Variants in TBL1Y observed in about 807,000 individuals in gnomAD.
The protein encoded by TBL1Y is F-box-like/WD repeat-containing protein TBL1Y.
TBL1Y carries 15 observed loss-of-function variants against 12.0 expected under a neutral mutation model. That is an observed-to-expected ratio of 1.25 (90% CI 0.83 to 1.92). The LOEUF is 1.92. Among genes scored for constraint, TBL1Y ranks in the 40% most tolerant of loss-of-function variants. TBL1Y has a pLI of 0.00. For synonymous variants in TBL1Y, 53 were observed against 42.6 expected (o/e 1.24, Z -0.95); for missense variants, 148 against 116.7 (o/e 1.27, Z -1.24).
intron 8 of TBL1Y, among the ~76,000 whole-genome samples, chrY:7,065,368 G>A (rs2012973882): frequency 3.0e-5 from 1 of 33,296 alleles, no homozygotes; most frequent in African/African-American, 1.2e-4. Context: ...TTTGCCTTCC[G>A]CCATGACTGT....
At chrY:7,076,608 A>G (rs2013064042) in intron 13 of TBL1Y, among the ~76,000 whole-genome samples, 1 of 32,159 alleles carries the variant, frequency 3.1e-5, no homozygotes, top group Non-Finnish European at 7.5e-5. Context: ...CATTGTCACT[A>G]TGATAAAATG....
chrY:6,924,513 A>G, intron 2 of TBL1Y, among the ~76,000 whole-genome samples: 1 of 29,125 alleles, frequency 3.4e-5, no homozygotes, highest in Non-Finnish European at 8.2e-5. Context: ...GCGTGAACCC[A>G]GGAGATAAAG....
chrY:6,913,861 A>G, intron 2 of TBL1Y, among the ~76,000 whole-genome samples: 2 of 33,361 alleles, frequency 6.0e-5, no homozygotes, highest in African/African-American at 2.3e-4. Flanking sequence ...AGTCTACCAC[A>G]GGGGATCAGA....
At chrY:6,999,617 T>C (rs529117068) in intron 4 of TBL1Y, among the ~76,000 whole-genome samples, 5 of 26,488 alleles carry the variant, frequency 1.9e-4, no homozygotes, top group African/African-American at 7.6e-4. Flanking sequence ...AAGTAGAATA[T>C]GAAAGAGGAT....
intron 4 of TBL1Y, among the ~76,000 whole-genome samples, chrY:6,999,057 C>T (rs2012428592): frequency 3.0e-5 from 1 of 33,102 alleles, no homozygotes; most frequent in Non-Finnish European, 7.4e-5. Context: ...ACCTATGGGT[C>T]CAAGGCACTG....
In TBL1Y at chrY:7,033,362, C is replaced by A. The variant is rs2124157107; in HGVS notation, c.58+8220C>A. ...ATTAATAGCCTACCAACCAAAAATT[C>A]TCCAGGACGAGACAGATCCACAGGC... On this transcript the variant is annotated intron_variant, in intron 6 of 18. Coordinates refer to ENST00000383032, the MANE Select transcript of TBL1Y (RefSeq NM_033284.2). Among the ~76,000 whole-genome samples, 5 of 33,377 alleles carry A rather than the reference C, an allele frequency of 1.5e-4. No individual in the cohort carries two copies. The East Asian group carries it at 4.0e-3, about 27-fold the overall frequency. 89.5% of individuals were successfully genotyped at this position (33,377 alleles called of 37,273 possible). A position where few individuals can be genotyped will look rare whatever the true frequency, so the allele number is the denominator to read the frequency against.
At chrY:6,979,092 G>A (rs1046679634) in intron 3 of TBL1Y, among the ~76,000 whole-genome samples, 2 of 32,182 alleles carry the variant, frequency 6.2e-5, no homozygotes, top group Admixed American at 5.8e-4. Context: ...CCGCCACCAC[G>A]CCCAGCTAAT....
intron 4 of TBL1Y, among the ~76,000 whole-genome samples, chrY:7,009,850 A>G (rs189443481): frequency 7.1e-4 from 23 of 32,431 alleles, no homozygotes; most frequent in African/African-American, 2.8e-3. Flanking sequence ...AACCTGACCA[A>G]CATGCAGAAA....
At chrY:7,063,385 C>T (rs1002472198) in intron 7 of TBL1Y, among the ~76,000 whole-genome samples, 1 of 33,466 alleles carries the variant, frequency 3.0e-5, no homozygotes, top group Non-Finnish European at 7.4e-5. Flanking sequence ...TGTCGTTCCG[C>T]AATTGGCTAG....
At chrY:6,950,237 C>T (rs2012014311) in intron 2 of TBL1Y, among the ~76,000 whole-genome samples, 4 of 33,379 alleles carry the variant, frequency 1.2e-4, no homozygotes, top group Non-Finnish European at 2.2e-4. Context: ...ATACTATAAA[C>T]GAACTGTGAG....
intron 2 of TBL1Y, among the ~76,000 whole-genome samples, chrY:6,942,194 C>T: frequency 3.1e-5 from 1 of 32,758 alleles, no homozygotes; most frequent in Non-Finnish European, 7.5e-5. Flanking sequence ...AAATAATCCT[C>T]GCAGCCTGCC....
chrY:7,002,962 A>G (rs2012461609), intron 4 of TBL1Y, among the ~76,000 whole-genome samples: 1 of 33,874 alleles, frequency 3.0e-5, no homozygotes, highest in Non-Finnish European at 7.3e-5. Context: ...ACTTCTCGGG[A>G]GCTACTTAAA....
At chrY:7,076,883 C>T in intron 13 of TBL1Y, among the ~76,000 whole-genome samples, 2 of 11,318 alleles carry the variant, frequency 1.8e-4, no homozygotes, top group Non-Finnish European at 3.2e-4. Flanking sequence ...GCATGGGCAA[C>T]AAGAGCAAGA....
At chrY:7,087,539 A>G in intron 17 of TBL1Y, 107 bp downstream of exon 17, 10 of 242,877 alleles carry the variant, frequency 4.1e-5, no homozygotes, top group Non-Finnish European at 6.3e-5. Flanking sequence ...GAGCAAGCCC[A>G]GGCTTCCCGG....
chrY:7,063,455 G>A, intron 7 of TBL1Y, among the ~76,000 whole-genome samples: 1 of 32,736 alleles, frequency 3.1e-5, no homozygotes, highest in Non-Finnish European at 7.5e-5. Flanking sequence ...GTGACAGGGT[G>A]ATTGGTTTGG....
At chrY:7,004,203 A>G in intron 4 of TBL1Y, among the ~76,000 whole-genome samples, 1 of 33,771 alleles carries the variant, frequency 3.0e-5, no homozygotes, top group South Asian at 6.6e-4. Flanking sequence ...TCTAGAAACT[A>G]TCACGATTCT....
At chrY:7,003,440 A>C in intron 4 of TBL1Y, among the ~76,000 whole-genome samples, 11 of 32,574 alleles carry the variant, frequency 3.4e-4, no homozygotes, top group Non-Finnish European at 7.6e-4. Context: ...CACTGTAGGC[A>C]TGCCACATTT....
At chrY:7,065,476 G>A (rs2012975727) in intron 8 of TBL1Y, among the ~76,000 whole-genome samples, 2 of 33,345 alleles carry the variant, frequency 6.0e-5, no homozygotes, top group Non-Finnish European at 1.5e-4. Flanking sequence ...GTATGAGAAC[G>A]GACAATTACA....
At chrY:6,969,541 T>C in intron 2 of TBL1Y, among the ~76,000 whole-genome samples, 1 of 33,804 alleles carries the variant, frequency 3.0e-5, no homozygotes. Flanking sequence ...CTACAATGTC[T>C]ATTTCACATC....
Sources: allele counts gnomAD v4.1 joint callset (sites outside exome capture counted in the v4.1 genomes callset), GRCh38; gene constraint gnomAD v4.1.1; transcripts MANE v1.5; gene names NCBI Gene and HGNC (gene_info 2026-07-23, HGNC 2026-07-21).